SLC9A7: variants seen among roughly 807,000 people sequenced by gnomAD.
SLC9A7 encodes the protein solute carrier family 9 member A7, also known as sodium/hydrogen exchanger 7.
In SLC9A7, 19 loss-of-function variants were observed where a neutral mutation model predicts 52.6. The ratio of observed to expected loss-of-function variants is 0.36; its 90% confidence interval spans 0.25 to 0.53. The LOEUF (loss-of-function observed/expected upper bound fraction) is 0.53, where lower values mean the gene tolerates loss of function less well. Among genes scored for constraint, SLC9A7 ranks in the 20% least tolerant of loss-of-function variants. SLC9A7 has a pLI of 0.91. For synonymous variants in SLC9A7, 226 were observed against 252.1 expected, an observed-to-expected ratio of 0.90 and a Z score of 0.98; for missense variants, 455 against 597.9, an observed-to-expected ratio of 0.76 and a Z score of 2.49.
At chrX:46,743,081 T>C (rs1410119603) in intron 1 of SLC9A7, among the ~76,000 whole-genome samples, 1 of 108,774 alleles carries the variant, frequency 9.2e-6, no homozygotes, top group African/African-American at 3.4e-5. Context: ...CCTAAAAAGG[T>C]AATGATGAAA....
intron 1 of SLC9A7, among the ~76,000 whole-genome samples, chrX:46,722,529 A>C (rs1233723010): frequency 8.9e-6 from 1 of 112,423 alleles, no homozygotes; most frequent in Non-Finnish European, 1.9e-5. Flanking sequence ...TAAAAACTAA[A>C]ATTCCACGAG....
intron 12 of SLC9A7, among the ~76,000 whole-genome samples, chrX:46,636,188 C>T (rs952283254): frequency 9.0e-6 from 1 of 111,392 alleles, no homozygotes; most frequent in Non-Finnish European, 1.9e-5. Flanking sequence ...ACCTGAAAGT[C>T]GGCAACCCAA....
In SLC9A7 at chrX:46,611,638, T is replaced by G. The variant is rs761010204; in HGVS notation, c.1929+1651A>C. On this transcript the variant is annotated intron_variant, in intron 16 of 16. Coordinates refer to ENST00000616978, the MANE Select transcript of SLC9A7 (RefSeq NM_001257291.2). ...CCAGCTGAGTTTCCCAGTGTAAAGT[T>G]CTGTCGCTGCCTACCAGGACTTTTC... 7.1e-5 allele frequency among the ~76,000 whole-genome samples: 8 copies of G among 112,774 alleles called. 1 individual carries two copies. In the South Asian group the frequency reaches 2.9e-3, roughly 41 times the overall value.
At chrX:46,710,419 C>T (rs1300904320) in intron 1 of SLC9A7, among the ~76,000 whole-genome samples, 1 of 111,704 alleles carries the variant, frequency 9.0e-6, no homozygotes, top group Non-Finnish European at 1.9e-5. Context: ...AATGAAGGTT[C>T]CCTCAGTGTT....
intron 1 of SLC9A7, among the ~76,000 whole-genome samples, chrX:46,706,623 A>G (rs1944609023): frequency 1.0e-5 from 1 of 97,635 alleles, no homozygotes; most frequent in Non-Finnish European, 2.1e-5. Context: ...TCCAAGAGTA[A>G]GTCTCTCTCC....
At position 46,603,937 on chromosome X, in the gene SLC9A7, T is replaced by C. The variant is rs1047662334; in HGVS notation, c.*3015A>G. On this transcript the variant is annotated 3_prime_UTR_variant, in exon 17 of 17. Transcript: ENST00000616978. ...ATCACCAGGGTGTGTCTGTTAGTTT[T>C]TTCCCTCCAAAATTAAGTAAGCAAT... 3 of 112,440 alleles carry C rather than the reference T, an allele frequency of 2.7e-5. No homozygotes were observed. In the Admixed American group the frequency reaches 2.8e-4, roughly 11 times the overall value. 9.3% of individuals were successfully genotyped at this position (112,440 alleles called of 1,213,427 possible). A position where few individuals can be genotyped will look rare whatever the true frequency, so the allele number is the denominator to read the frequency against.
intron 1 of SLC9A7, among the ~76,000 whole-genome samples, chrX:46,757,460 C>A (rs1556293266): frequency 8.9e-6 from 1 of 112,714 alleles, no homozygotes; most frequent in South Asian, 3.6e-4. Flanking sequence ...TGAGCCCCGG[C>A]TGTCAACAAC....
chrX:46,645,517 C>T (rs188507602), intron 11 of SLC9A7, among the ~76,000 whole-genome samples: 4 of 111,184 alleles, frequency 3.6e-5, no homozygotes, highest in African/African-American at 1.3e-4. Context: ...GCAATCTGCA[C>T]TTTAACAAGC....
At chrX:46,613,991 A>G (rs1304483743) in intron 15 of SLC9A7, among the ~76,000 whole-genome samples, 1 of 111,962 alleles carries the variant, frequency 8.9e-6, no homozygotes, top group Non-Finnish European at 1.9e-5. Context: ...ATACAGGACC[A>G]TTCTTCACTC....
At chrX:46,686,956 A>C (rs1944304958) in intron 1 of SLC9A7, among the ~76,000 whole-genome samples, 1 of 112,426 alleles carries the variant, frequency 8.9e-6, no homozygotes, top group Non-Finnish European at 1.9e-5. Flanking sequence ...AAAAAAACTC[A>C]CTTCACAACT....
chrX:46,709,317 G>A (rs772913101), intron 1 of SLC9A7, among the ~76,000 whole-genome samples: 9 of 110,957 alleles, frequency 8.1e-5, no homozygotes, highest in Non-Finnish European at 1.7e-4. Flanking sequence ...TGAAGTGGGA[G>A]GATTGCTTGA....
At chrX:46,662,228 G>C in intron 6 of SLC9A7, 71 bp from the exon 7 acceptor site, 4 of 982,534 alleles carry the variant, frequency 4.1e-6, no homozygotes, top group Non-Finnish European at 5.6e-6. Context: ...TGAAAATATC[G>C]ACAAACATAG....
intron 5 of SLC9A7, among the ~76,000 whole-genome samples, chrX:46,669,366 T>C (rs995722382): frequency 9.1e-6 from 1 of 109,332 alleles, no homozygotes; most frequent in African/African-American, 3.3e-5. Flanking sequence ...GAGCTGTGAC[T>C]GCACCACTGC....
intron 15 of SLC9A7, among the ~76,000 whole-genome samples, chrX:46,616,253 C>G (rs1432703629): frequency 3.0e-5 from 3 of 99,644 alleles, no homozygotes; most frequent in Non-Finnish European, 6.0e-5. Context: ...CTAGGGAGGT[C>G]AAGGCTGCAG....
chrX:46,697,319 A>G (rs1224900537), intron 1 of SLC9A7, among the ~76,000 whole-genome samples: 1 of 111,951 alleles, frequency 8.9e-6, no homozygotes, highest in Non-Finnish European at 1.9e-5. Flanking sequence ...AAGTGTTCTC[A>G]CCACAAACAA....
At chrX:46,719,736 T>C (rs184329229) in intron 1 of SLC9A7, among the ~76,000 whole-genome samples, 2 of 110,965 alleles carry the variant, frequency 1.8e-5, no homozygotes, top group East Asian at 5.7e-4. Context: ...CAGGGTTTTG[T>C]GGAAATTAGG....
chrX:46,725,751 A>G (rs878881855), intron 1 of SLC9A7: 3 of 1,021,780 alleles, frequency 2.9e-6, no homozygotes, highest in East Asian at 3.0e-5. Flanking sequence ...GCTGTCCACC[A>G]TGTCAATGCA....
chrX:46,691,669 A>G (rs983179327), intron 1 of SLC9A7, among the ~76,000 whole-genome samples: 5 of 112,121 alleles, frequency 4.5e-5, no homozygotes, highest in African/African-American at 1.6e-4. Flanking sequence ...CTATAAAAAT[A>G]GTGCATATTG....
chrX:46,666,324 C>A (rs1386119021), intron 5 of SLC9A7, among the ~76,000 whole-genome samples: 1 of 111,349 alleles, frequency 9.0e-6, no homozygotes, highest in African/African-American at 3.3e-5. Context: ...GCCCAGGCTG[C>A]CAATATCAGA....
Sources: allele counts gnomAD v4.1 joint callset (sites outside exome capture counted in the v4.1 genomes callset), GRCh38; gene constraint gnomAD v4.1.1; transcripts MANE v1.5; gene names NCBI Gene and HGNC (gene_info 2026-07-23, HGNC 2026-07-21).